FRY: variants seen among roughly 807,000 people sequenced by gnomAD.
FRY encodes the protein protein furry homolog.
In FRY, 128 loss-of-function variants were observed where a neutral mutation model predicts 348.4. That is an observed-to-expected ratio of 0.37 (90% CI 0.32 to 0.43). The LOEUF is 0.43. Ranked by LOEUF, FRY falls within the 20% of genes least tolerant of loss-of-function variation. FRY has a pLI of 1.00. For synonymous variants in FRY, 1,370 were observed against 1,374.7 expected, an observed-to-expected ratio of 1.00 and a Z score of 0.08; for missense variants, 2,736 against 3,695.2, an observed-to-expected ratio of 0.74 and a Z score of 6.73.
intron 8 of FRY, among the ~76,000 whole-genome samples, chr13:32,132,214 T>A (rs1028674987): frequency 8.1e-5 from 12 of 148,276 alleles, no homozygotes; most frequent in African/African-American, 2.7e-4. Context: ...TAAAGAAATC[T>A]GTTTTATTCT....
At chr13:32,061,160 C>T (rs771466051) in intron 1 of FRY, 1 of 533,268 alleles carries the variant, frequency 1.9e-6, no homozygotes, top group Non-Finnish European at 3.8e-6. Context: ...CATAAAAGGG[C>T]TTGGTAGGTA....
intron 22 of FRY, among the ~76,000 whole-genome samples, 172 bp from the exon 23 acceptor site, chr13:32,179,503 T>TTG (rs10628771): frequency 0.19 from 26,091 of 137,496 alleles, 2,470 homozygotes; most frequent in East Asian, 0.35. Context: ...TGTATTAAAT[T>TTG]TGTGTGTGTG....
intron 53 of FRY, among the ~76,000 whole-genome samples, chr13:32,263,655 AT>A (rs1219278498): frequency 2.0e-4 from 30 of 152,374 alleles, no homozygotes; most frequent in African/African-American, 7.0e-4. Context: ...CAATGTCAAT[AT>A]GGTCATTTTC....
chr13:32,077,086 A>C (rs888053319), intron 1 of FRY, among the ~76,000 whole-genome samples: 1 of 152,136 alleles, frequency 6.6e-6, no homozygotes, highest in Admixed American at 6.5e-5. Context: ...AAAGAATGGA[A>C]AGGAGCTGCA....
At chr13:32,156,356 C>A (rs1881105601) in intron 15 of FRY, among the ~76,000 whole-genome samples, 1 of 152,050 alleles carries the variant, frequency 6.6e-6, no homozygotes, top group Non-Finnish European at 1.5e-5. Context: ...GCCTGTAATC[C>A]CAGCATTTTG....
chr13:32,214,493 A>G (rs963708862), intron 35 of FRY, among the ~76,000 whole-genome samples: 21 of 152,360 alleles, frequency 1.4e-4, no homozygotes, highest in African/African-American at 5.0e-4. Context: ...GTGTTAGTGT[A>G]GACAGTTCTT....
chr13:32,127,649 C>T (rs533001806), intron 7 of FRY, among the ~76,000 whole-genome samples: 42 of 151,984 alleles, frequency 2.8e-4, no homozygotes, highest in African/African-American at 4.8e-4. Flanking sequence ...AGTGGTGGCA[C>T]GCACCTGTAA....
intron 1 of FRY, chr13:32,060,971 C>T (rs562386491): frequency 4.7e-6 from 2 of 423,146 alleles, no homozygotes; most frequent in Admixed American, 5.5e-5. Context: ...TATAAGGGCC[C>T]TGCATTGTGG....
chr13:32,157,356 A>G lies in FRY; in HGVS notation c.1735A>G (p.Met579Val). ...HLDKEVGRCM[M>V]LTNVQMLNKE... ...TGATAAAGAAGTAGGAAGGTGTATG[A>G]TGCTGACTAATGTACAGATGTTAAA... Residue 579 changes from methionine (M) to valine (V), a missense_variant, in exon 16 of 61, where the codon ATG (methionine) becomes GTG (valine). Met to Val is a conservative substitution (Grantham distance 21, BLOSUM62 1). This residue lies in a region of FRY where 191 missense variants were observed against 370.2 expected (regional missense o/e 0.52). Coordinates refer to ENST00000542859, the MANE Select transcript of FRY (RefSeq NM_023037.3). 6.2e-7 allele frequency: 1 copy of G among 1,613,356 alleles called. No individual in the cohort carries two copies. Among genetic ancestry groups the G allele is most frequent in the Non-Finnish European group, 8.5e-7 (1 of 1,179,376 alleles).
intron 33 of FRY, among the ~76,000 whole-genome samples, chr13:32,210,415 A>T (rs1188520915): frequency 6.6e-6 from 1 of 152,204 alleles, no homozygotes; most frequent in Non-Finnish European, 1.5e-5. Context: ...TTTAATCCAG[A>T]GTTATTTTTA....
chr13:32,161,082 T>C lies in FRY; in HGVS notation c.1785-62T>C, dbSNP rs923149108. 2.3e-5 allele frequency: 25 copies of C among 1,065,732 alleles called. 1 individual carries two copies. Among genetic ancestry groups the C allele is most frequent in the Non-Finnish European group, 2.6e-5 (18 of 680,194 alleles). 66.0% of individuals were successfully genotyped at this position (1,065,732 alleles called of 1,614,324 possible). On this transcript the variant is annotated intron_variant, in intron 16 of 60. Transcript: ENST00000542859. ...TCTAGTCTTTGTTCATGCACTTAAT[T>C]CATTTTGTTTTTATTTTCACAGCTT...
chr13:32,072,174 A>G (rs1874702145), intron 1 of FRY, among the ~76,000 whole-genome samples: 1 of 152,236 alleles, frequency 6.6e-6, no homozygotes, highest in Non-Finnish European at 1.5e-5. Flanking sequence ...CTGTAGGAGA[A>G]TTAAAGTGTA....
intron 2 of FRY, among the ~76,000 whole-genome samples, chr13:32,095,495 C>T (rs1288574526): frequency 1.3e-5 from 2 of 151,974 alleles, no homozygotes; most frequent in Non-Finnish European, 2.9e-5. Context: ...TACAGGCGTG[C>T]GCCCCCAGCC....
intron 11 of FRY, 26 bp downstream of exon 11, chr13:32,136,998 ATC>A: frequency 7.7e-7 from 1 of 1,290,744 alleles, no homozygotes; most frequent in Non-Finnish European, 1.1e-6. Context: ...CTCAAAAACG[ATC>A]TCTTTAAAAA....
chr13:32,212,091 A>G (rs1013525341), intron 34 of FRY, among the ~76,000 whole-genome samples: 1 of 152,228 alleles, frequency 6.6e-6, no homozygotes, highest in Non-Finnish European at 1.5e-5. Flanking sequence ...GTTTGACCAT[A>G]ACAGATGTCT....
chr13:32,201,191 A>T (rs936297238), intron 29 of FRY, among the ~76,000 whole-genome samples: 5 of 152,148 alleles, frequency 3.3e-5, no homozygotes, highest in Admixed American at 6.5e-5. Context: ...TTGCTGTTTC[A>T]TTCTTGTAAT....
chr13:32,091,249 T>G (rs775648604), intron 2 of FRY, among the ~76,000 whole-genome samples: 10 of 152,202 alleles, frequency 6.6e-5, no homozygotes, highest in South Asian at 2.1e-4. Context: ...TGAGGCAGGT[T>G]ATCAAGGGGG....
In FRY at chr13:32,294,546, C is replaced by A. The variant is rs1418846336; in HGVS notation, c.8759C>A (p.Ala2920Asp). The change falls in exon 60 of 61, where the codon GCT becomes GAT. Residue 2920 changes from alanine (A) to aspartate (D), a missense_variant. Physicochemically the swap from Ala to Asp is moderately radical, Grantham distance 126. Around this residue, in one of 9 missense-constraint regions of FRY, gnomAD observed 157 missense variants for 215.2 expected, o/e 0.73. Coordinates refer to ENST00000542859, the MANE Select transcript of FRY (RefSeq NM_023037.3). Reference protein sequence around the residue: ...ECLKNNELGKALRQIRECRSL... With the variant: ...ECLKNNELGKDLRQIRECRSL... ...CTGAAGAACAACGAACTCGGCAAAG[C>A]TTTGCGGCAGATCAGGGAGTGCAGG... The A allele has an allele frequency of 1.9e-6, 3 of 1,613,896 alleles. No individual in the cohort carries two copies. The African/African-American group carries it at 4.0e-5, about 22-fold the overall frequency.
rs1249196036 is a variant in FRY, at chr13:32,038,285, A to T, written c.70+6420A>T. Reference sequence around the variant, plus strand: ...TCATGTAGAACTTTTAAAAAATGCAATATAGCTTGGTATTTATCACTTAAG... The same window carrying T: ...TCATGTAGAACTTTTAAAAAATGCATTATAGCTTGGTATTTATCACTTAAG... On this transcript the variant is annotated intron_variant, in intron 1 of 60. Transcript: ENST00000542859. 2.0e-5 allele frequency: 3 copies of T among 152,242 alleles called. No individual in the cohort carries two copies. In the East Asian group the frequency reaches 5.8e-4, roughly 29 times the overall value. The allele number at this position is 152,242 out of a possible 1,614,324, so 9.4% of individuals were successfully genotyped here. A position where few individuals can be genotyped will look rare whatever the true frequency, so the allele number is the denominator to read the frequency against.
Sources: allele counts gnomAD v4.1 joint callset (sites outside exome capture counted in the v4.1 genomes callset), GRCh38; gene constraint gnomAD v4.1.1; regional missense constraint gnomAD v4.1.1; transcripts MANE v1.5; gene names NCBI Gene and HGNC (gene_info 2026-07-23, HGNC 2026-07-21).